The following MAN2B1 variants were observed in gnomAD, a reference collection of about 807,000 sequenced individuals.
MAN2B1 encodes the protein lysosomal alpha-mannosidase.
Under a neutral mutation model 127.5 loss-of-function variants are expected in MAN2B1, and 99 were observed. The observed-to-expected ratio is 0.78, with a 90% CI of 0.66 to 0.92. The LOEUF (loss-of-function observed/expected upper bound fraction) is 0.92. MAN2B1 is among the 40% of genes least tolerant of loss of function. The probability of loss-of-function intolerance (pLI) is 0.00; values close to 1 mark genes in which losing one functional copy is unlikely to be tolerated. For missense variants in MAN2B1, 1,304 were observed against 1,384.8 expected, an observed-to-expected ratio of 0.94 and a Z score of 0.93; for synonymous variants, 573 against 568.8, an observed-to-expected ratio of 1.01 and a Z score of -0.11.
intron 4 of MAN2B1, 140 bp from the exon 5 acceptor site, chr19:12,663,975 C>T (rs772067870): frequency 2.7e-5 from 32 of 1,170,864 alleles, no homozygotes; most frequent in Non-Finnish European, 3.7e-5. Context: ...TGCCTATGAT[C>T]CCAGCCTTCT....
intron 7 of MAN2B1, 76 bp downstream of exon 7, chr19:12,661,184 A>G: frequency 1.1e-6 from 1 of 941,776 alleles, no homozygotes; most frequent in Non-Finnish European, 1.8e-6. Context: ...CAGCACTGAG[A>G]GCTATGCACA....
rs1054487 is a variant in MAN2B1, at chr19:12,661,351, G to C, written c.935C>G (p.Thr312Ser). ...AQGRYYRTNH[T>S]VMTMGSDFQY... is the part of the protein sequence containing the mutation. ...GAAGTCCGAGCCCATGGTCATCACA[G>C]TGTGGTTGGTGCGGTAATACCGGCC... The change falls in exon 7 of 24, where the codon ACT (threonine) becomes AGT (serine). Residue 312 changes from threonine to serine, a missense_variant. Transcript: ENST00000456935. The C allele has an allele frequency of 6.2e-7, 1 of 1,613,234 alleles. No individual in the cohort carries two copies. The highest frequency in any genetic ancestry group is 8.5e-7 in the Non-Finnish European group (1 of 1,179,358).
intron 6 of MAN2B1, 32 bp downstream of exon 6, chr19:12,663,285 C>A (rs954167607): frequency 3.7e-6 from 6 of 1,613,342 alleles, no homozygotes; most frequent in African/African-American, 1.3e-5. Context: ...ATTGTATATA[C>A]CGGACTCGAA....
rs374408823 is a variant in MAN2B1 at position 12,658,207 on chromosome 19, G to A, written c.1230+17C>T. 3.3e-5 allele frequency: 53 copies of A among 1,613,746 alleles called. No individual in the cohort carries two copies. Among genetic ancestry groups the A allele is most frequent in the Non-Finnish European group, 4.5e-5 (53 of 1,179,954 alleles). ...GCCTCGGGGCTGCATGCCCCCTCTA[G>A]CCCGGCTCCTACCCACCTGCAGGAA... is the stretch of plus-strand genomic sequence containing the variant. On this transcript the variant is annotated intron_variant, in intron 9 of 23. Coordinates refer to ENST00000456935, the MANE Select transcript of MAN2B1 (RefSeq NM_000528.4).
rs992094444 is a variant in MAN2B1 at position 12,647,069 on chromosome 19, C to T, written c.2923+164G>A. On this transcript the variant is annotated intron_variant, in intron 23 of 23. Transcript: ENST00000456935. This position sits in a 1 kb window ranked among gnomAD's most constrained non-coding sequence, Gnocchi z 4.9. ...CTCAAGACCCATTCCTGGTTTGCCG[C>T]ACCCATTTCAGATCCTTTAAGCCCC... The T allele has an allele frequency of 2.5e-5, 17 of 669,940 alleles. No individual in the cohort carries two copies. Among genetic ancestry groups the T allele is most frequent in the Non-Finnish European group, 4.5e-5 (17 of 381,678 alleles). The allele number at this position is 669,940 out of a possible 1,614,324, so 41.5% of individuals were successfully genotyped here. A position where few individuals can be genotyped will look rare whatever the true frequency, so the allele number is the denominator to read the frequency against.
Position 12,655,769 on chromosome 19 carries a change from G to T in MAN2B1, c.1755C>A (p.Arg585=), listed in dbSNP as rs759033353. The change falls in exon 14 of 24, where the codon CGC becomes CGA. Residue 585 remains arginine (R), a synonymous_variant. Transcript: ENST00000456935. ...GTGGTGCGCGGGCCTGGGGCTTCCA[G>T]CGAGGCACCTGGGCTACTGAATAGG... The part of the protein sequence containing the change: ...FSTYSVAQVP[R]WKPQARAPQP... 6.2e-7 allele frequency: 1 copy of T among 1,608,936 alleles called. No homozygotes were observed. Among genetic ancestry groups the T allele is most frequent in the African/African-American group, 1.3e-5 (1 of 74,858 alleles).
At chr19:12,665,852 G>T in intron 1 of MAN2B1, 47 bp from the exon 2 acceptor site, 1 of 1,445,222 alleles carries the variant, frequency 6.9e-7, no homozygotes, top group Non-Finnish European at 9.7e-7. Context: ...AACCCCCGAG[G>T]TCGGGGGCTG....
Position 12,648,514 on chromosome 19 carries a change from G to A in MAN2B1, c.2437-112C>T, listed in dbSNP as rs920051618. The A allele has an allele frequency of 1.8e-5, 14 of 792,278 alleles. No homozygotes were observed. The East Asian group carries it at 3.2e-4, about 18-fold the overall frequency. 49.1% of individuals were successfully genotyped at this position (792,278 alleles called of 1,614,324 possible). A position where few individuals can be genotyped will look rare whatever the true frequency, so the allele number is the denominator to read the frequency against. On this transcript the variant is annotated intron_variant, in intron 20 of 23. Transcript: ENST00000456935. ...GTCAAAAGAAATTAAAGGGTGGGAG[G>A]AACGGATGAGGATGAAGGTGAGGGT...
intron 3 of MAN2B1, 167 bp downstream of exon 3, chr19:12,665,185 G>A (rs187698674): frequency 9.6e-7 from 1 of 1,043,026 alleles, no homozygotes; most frequent in African/African-American, 1.6e-5. Context: ...CACAGCAGGT[G>A]GGGCTTTGTG....
intron 6 of MAN2B1, among the ~76,000 whole-genome samples, chr19:12,661,965 C>G (rs2024117612): frequency 6.6e-6 from 1 of 152,104 alleles, no homozygotes; most frequent in Non-Finnish European, 1.5e-5. Flanking sequence ...TTGCCTTAGC[C>G]TCCCAAGTAG....
At chr19:12,655,932 C>A in intron 13 of MAN2B1, 53 bp from the exon 14 acceptor site, 12 of 1,496,820 alleles carry the variant, frequency 8.0e-6, no homozygotes, top group Non-Finnish European at 1.1e-5. Flanking sequence ...GAAAGCTATA[C>A]ATGCATGGAG....
chr19:12,649,845 T>A, intron 18 of MAN2B1, 68 bp downstream of exon 18: 8 of 1,336,120 alleles, frequency 6.0e-6, no homozygotes, highest in South Asian at 3.5e-5. Flanking sequence ...ATCAGCAAAT[T>A]TCCCTCACCA....
rs554379266 is a variant in MAN2B1 at position 12,665,206 on chromosome 19, G to A, written c.436+146C>T. The A allele has an allele frequency of 1.8e-5, 20 of 1,118,324 alleles. No homozygotes were observed. The East Asian group carries it at 4.2e-4, about 24-fold the overall frequency. 69.3% of individuals were successfully genotyped at this position (1,118,324 alleles called of 1,614,324 possible). Reference sequence around the variant, plus strand: ...AGGTGGGGCTTTGTGGGATGTATAGGAGGTCTCCAAATGGAGAGTCCAGGC... The same window carrying A: ...AGGTGGGGCTTTGTGGGATGTATAGAAGGTCTCCAAATGGAGAGTCCAGGC... On this transcript the variant is annotated intron_variant, in intron 3 of 23. Coordinates refer to ENST00000456935, the MANE Select transcript of MAN2B1 (RefSeq NM_000528.4).
Position 12,648,893 on chromosome 19 carries a change from G to A in MAN2B1, c.2436+243C>T, listed in dbSNP as rs142932540. 0.016 allele frequency among the ~76,000 whole-genome samples: 2,378 copies of A among 152,266 alleles called. 74 individuals are homozygous for A. Among genetic ancestry groups the A allele is most frequent in the African/African-American group, 0.054 (2,249 of 41,530 alleles). The stretch of plus-strand genomic sequence containing the variant: ...GCCTGTAAGCCCAGCTACTCGGAAG[G>A]CTGAGGCAGGACAATCACTTGAACC... On this transcript the variant is annotated intron_variant, in intron 20 of 23. Transcript: ENST00000456935.
At chr19:12,652,495 G>T in intron 14 of MAN2B1, 35 bp from the exon 15 acceptor site, 2 of 1,370,076 alleles carry the variant, frequency 1.5e-6, no homozygotes, top group Non-Finnish European at 2.1e-6. Context: ...GGGTTTGTGT[G>T]TGTATGTGTG....
Position 12,663,836 on chromosome 19 carries a change from C to A in MAN2B1, c.631-1G>T. On this transcript the variant is annotated splice_acceptor_variant, in intron 4 of 23. Coordinates refer to ENST00000456935, the MANE Select transcript of MAN2B1 (RefSeq NM_000528.4). LOFTEE classifies it high-confidence loss of function. ...CAAAGAAGAAGCCGTCGAAGCCCATCTGGGGATGAGGGAGGAAAAGGCAGT... is the reference window on the plus strand; with the variant it reads ...CAAAGAAGAAGCCGTCGAAGCCCATATGGGGATGAGGGAGGAAAAGGCAGT... The A allele has an allele frequency of 6.2e-7, 1 of 1,614,174 alleles. No homozygotes were observed. Among genetic ancestry groups the A allele is most frequent in the Non-Finnish European group, 8.5e-7 (1 of 1,180,036 alleles).
chr19:12,660,943 G>C (rs2145271233), intron 7 of MAN2B1: 1 of 350,716 alleles, frequency 2.9e-6, no homozygotes, highest in Non-Finnish European at 5.6e-6. Flanking sequence ...ATTTTTAGTA[G>C]AGACAGCGTT....
intron 7 of MAN2B1, 140 bp from the exon 8 acceptor site, chr19:12,658,650 G>T: frequency 1.3e-6 from 1 of 797,820 alleles, no homozygotes; most frequent in Non-Finnish European, 2.1e-6. Context: ...GCCAATGGTT[G>T]GGTGTGAAAA....
At chr19:12,657,247 G>A in intron 11 of MAN2B1, 191 bp from the exon 12 acceptor site, 1 of 321,412 alleles carries the variant, frequency 3.1e-6, no homozygotes, top group Non-Finnish European at 5.7e-6. Flanking sequence ...CCCACGCCCC[G>A]CCTCCTTCCC....
Sources: gnomAD v4.1 joint callset for allele counts (sites outside exome capture counted in the v4.1 genomes callset) on GRCh38, gnomAD v4.1.1 for gene constraint, Gnocchi (gnomAD v3.1) non-coding constraint, MANE v1.5 for transcripts, NCBI Gene and HGNC (gene_info 2026-07-23, HGNC 2026-07-21) for gene names.